The following PJA2 variants were observed in gnomAD, a reference collection of about 807,000 sequenced individuals.
PJA2 encodes the protein E3 ubiquitin-protein ligase Praja-2.
PJA2 carries 25 observed loss-of-function variants against 69.3 expected under a neutral mutation model. The ratio of observed to expected loss-of-function variants is 0.36; its 90% confidence interval spans 0.26 to 0.50. The LOEUF (loss-of-function observed/expected upper bound fraction) is 0.50, where lower values mean the gene tolerates loss of function less well. Ranked by LOEUF, PJA2 falls within the 20% of genes least tolerant of loss-of-function variation. The pLI is 0.96. For synonymous variants in PJA2, 308 were observed against 277.8 expected (o/e 1.11, Z -1.08); for missense variants, 809 against 830.2 (o/e 0.97, Z 0.31).
In PJA2 at chr5:109,402,658, T is replaced by C. The variant is rs141365769; in HGVS notation, c.-88+7184A>G. Among the ~76,000 whole-genome samples, 339 of 152,278 alleles carry C rather than the reference T, an allele frequency of 2.2e-3. 2 individuals carry two copies. Among genetic ancestry groups the C allele is most frequent in the African/African-American group, 7.8e-3 (326 of 41,576 alleles). The stretch of plus-strand genomic sequence containing the variant: ...GAAAGAGAAGGCCTAACAAGCATCA[T>C]CAATCAACTTGATATAGAATACTCC... On this transcript the variant is annotated intron_variant, in intron 1 of 9. Transcript: ENST00000361189.
intron 4 of PJA2, among the ~76,000 whole-genome samples, chr5:109,374,051 A>G (rs770622771): frequency 6.6e-6 from 1 of 152,236 alleles, no homozygotes; most frequent in Non-Finnish European, 1.5e-5. Context: ...TAATCTAAAC[A>G]TTCTGGAACT....
At chr5:109,357,420 T>C (rs1479717274) in intron 6 of PJA2, among the ~76,000 whole-genome samples, 1 of 152,180 alleles carries the variant, frequency 6.6e-6, no homozygotes, top group Non-Finnish European at 1.5e-5. Flanking sequence ...TATCTGGAAA[T>C]CAAGTATCAC....
chr5:109,336,855 G>C lies in PJA2; in HGVS notation c.*376C>G, dbSNP rs1304414973. ...AAATTTTACTACGGTTGTGAACACA[G>C]TCTTTACATTTGATGCAAACAGGAC... is the stretch of plus-strand genomic sequence containing the variant. On this transcript the variant is annotated 3_prime_UTR_variant, in exon 10 of 10. Coordinates refer to ENST00000361189, the MANE Select transcript of PJA2 (RefSeq NM_014819.5). 6.5e-6 allele frequency: 1 copy of C among 153,402 alleles called. No homozygotes were observed. The highest frequency in any genetic ancestry group is 6.5e-5 in the Admixed American group (1 of 15,332). The allele number at this position is 153,402 out of a possible 1,614,324, so 9.5% of individuals were successfully genotyped here.
intron 1 of PJA2, among the ~76,000 whole-genome samples, chr5:109,399,142 C>A (rs1161563099): frequency 7.5e-5 from 11 of 146,994 alleles, no homozygotes; most frequent in Non-Finnish European, 1.0e-4. Flanking sequence ...ACCTGCGTGG[C>A]AGAGGTTGCA....
intron 7 of PJA2, among the ~76,000 whole-genome samples, chr5:109,345,725 T>G (rs890454647): frequency 1.3e-5 from 2 of 152,170 alleles, no homozygotes; most frequent in African/African-American, 4.8e-5. Context: ...AAGCAAATAA[T>G]GCACTCCTGA....
chr5:109,372,924 A>AAAAAAAAAAAAAAAAAAAAAAG (rs1762700063), intron 4 of PJA2, among the ~76,000 whole-genome samples: 1 of 135,400 alleles, frequency 7.4e-6, no homozygotes, highest in East Asian at 2.0e-4. Context: ...AAAAAAAAAA[A>AAAAAAAAAAAAAAAAAAAAAAG]AAGAAAGAAA....
At chr5:109,365,369 G>C (rs1283454560) in intron 5 of PJA2, among the ~76,000 whole-genome samples, 1 of 152,128 alleles carries the variant, frequency 6.6e-6, no homozygotes. Flanking sequence ...CTAAAAAACA[G>C]ATCTATAAAC....
intron 7 of PJA2, among the ~76,000 whole-genome samples, chr5:109,354,170 G>GAGTAGATATCTATGATGTCTAGAGATT (rs1762350202): frequency 1.1e-5 from 1 of 91,346 alleles, no homozygotes; most frequent in Non-Finnish European, 2.3e-5. Flanking sequence ...ATCTAGAGAT[G>GAGTAGATATCTATGATGTCTAGAGATT]TCTATAGATT....
chr5:109,365,502 T>C (rs1762570746), intron 5 of PJA2, among the ~76,000 whole-genome samples: 1 of 152,182 alleles, frequency 6.6e-6, no homozygotes, highest in Admixed American at 6.5e-5. Flanking sequence ...CTTTAGAAGT[T>C]CAAAAAGGAA....
chr5:109,352,108 T>C (rs1186952245), intron 7 of PJA2, among the ~76,000 whole-genome samples: 3 of 152,120 alleles, frequency 2.0e-5, no homozygotes, highest in East Asian at 1.9e-4. Flanking sequence ...GGCAGAAGTA[T>C]AGACTGGTAG....
At chr5:109,359,320 T>C (rs115451162) in intron 6 of PJA2, among the ~76,000 whole-genome samples, 4,620 of 152,298 alleles carry the variant, frequency 0.03, 91 homozygotes, top group Middle Eastern at 0.048. Context: ...GTAGTTAACC[T>C]TCTGAAGAGT....
At chr5:109,348,292 G>T (rs80271422) in intron 7 of PJA2, among the ~76,000 whole-genome samples, 3,088 of 152,264 alleles carry the variant, frequency 0.02, 95 homozygotes, top group African/African-American at 0.07. Flanking sequence ...TCACAATAGG[G>T]TATGAGAGCC....
intron 1 of PJA2, among the ~76,000 whole-genome samples, chr5:109,402,721 A>G (rs1264160717): frequency 1.3e-5 from 2 of 152,322 alleles, no homozygotes; most frequent in East Asian, 3.9e-4. Context: ...TTTGAAGTGT[A>G]CATGGGACAT....
At chr5:109,365,533 A>G (rs1160353218) in intron 5 of PJA2, among the ~76,000 whole-genome samples, 1 of 152,162 alleles carries the variant, frequency 6.6e-6, no homozygotes, top group Admixed American at 6.5e-5. Context: ...ATGGTTTTTA[A>G]TTGGTCTTTC....
chr5:109,375,733 A>G (rs1031473435), intron 4 of PJA2, among the ~76,000 whole-genome samples: 1 of 152,160 alleles, frequency 6.6e-6, no homozygotes, highest in Non-Finnish European at 1.5e-5. Context: ...CCATCTCTCC[A>G]ATCTACAAAT....
intron 7 of PJA2, among the ~76,000 whole-genome samples, chr5:109,350,475 G>A (rs994206365): frequency 2.0e-5 from 3 of 152,076 alleles, no homozygotes; most frequent in Non-Finnish European, 4.4e-5. Flanking sequence ...TTTAAAGAAC[G>A]AAGATAGTAA....
chr5:109,350,347 G>A (rs1762230393), intron 7 of PJA2, among the ~76,000 whole-genome samples: 3 of 151,110 alleles, frequency 2.0e-5, no homozygotes, highest in Admixed American at 1.3e-4. Context: ...ATAGTTAGTC[G>A]AAGAGGCAGA....
chr5:109,350,054 G>C (rs928070726), intron 7 of PJA2, among the ~76,000 whole-genome samples: 1 of 152,086 alleles, frequency 6.6e-6, no homozygotes, highest in African/African-American at 2.4e-5. Flanking sequence ...TTTCATTTGG[G>C]GAGGTTATTC....
At chr5:109,345,980 A>G (rs1460942169) in intron 7 of PJA2, among the ~76,000 whole-genome samples, 1 of 152,178 alleles carries the variant, frequency 6.6e-6, no homozygotes, top group Non-Finnish European at 1.5e-5. Context: ...TGCAACCTGT[A>G]CAATTACTTG....
Sources: allele counts gnomAD v4.1 joint callset (sites outside exome capture counted in the v4.1 genomes callset), GRCh38; gene constraint gnomAD v4.1.1; transcripts MANE v1.5; gene names NCBI Gene and HGNC (gene_info 2026-07-23, HGNC 2026-07-21).